NRXN3: variants seen among roughly 807,000 people sequenced by gnomAD.
NRXN3 encodes the protein neurexin III.
Under a neutral mutation model 137.6 loss-of-function variants are expected in NRXN3, and 32 were observed. That is an observed-to-expected ratio of 0.23 (90% CI 0.18 to 0.31). NRXN3 has a LOEUF of 0.31. NRXN3 is among the 10% of genes least tolerant of loss of function. NRXN3 has a pLI of 1.00. For synonymous variants in NRXN3, 798 were observed against 784.5 expected, an observed-to-expected ratio of 1.02 and a Z score of -0.29; for missense variants, 1,574 against 2,062.5, an observed-to-expected ratio of 0.76 and a Z score of 4.59.
chr14:79,330,105 C>T (rs2153315389), intron 15 of NRXN3, among the ~76,000 whole-genome samples: 1 of 152,170 alleles, frequency 6.6e-6, no homozygotes, highest in Middle Eastern at 3.4e-3. Context: ...GCTGGGATTA[C>T]AGGTGTGAGC....
chr14:79,549,708 C>A (rs2097355247), intron 16 of NRXN3, among the ~76,000 whole-genome samples: 1 of 152,062 alleles, frequency 6.6e-6, no homozygotes, highest in South Asian at 2.1e-4. Context: ...GTCCCCGGGG[C>A]CAGCATTTAC....
intron 9 of NRXN3, among the ~76,000 whole-genome samples, chr14:78,805,369 AC>A (rs1245420267): frequency 6.6e-6 from 1 of 151,938 alleles, no homozygotes; most frequent in Non-Finnish European, 1.5e-5. Flanking sequence ...CCCGCCATCA[AC>A]CATGGTAAAT....
intron 10 of NRXN3, among the ~76,000 whole-genome samples, chr14:78,946,365 T>A (rs988620392): frequency 3.3e-5 from 5 of 152,184 alleles, no homozygotes; most frequent in Non-Finnish European, 5.9e-5. Flanking sequence ...AGTTGATGAC[T>A]TCCAGATGGC....
intron 17 of NRXN3, among the ~76,000 whole-genome samples, chr14:79,681,066 A>C (rs10146886): frequency 0.11 from 17,228 of 152,160 alleles, 2,324 homozygotes; most frequent in African/African-American, 0.32. Flanking sequence ...CCTCTCAGGA[A>C]CTGCATTATT....
At chr14:78,251,919 G>A (rs2068691678) in intron 2 of NRXN3, among the ~76,000 whole-genome samples, 1 of 152,154 alleles carries the variant, frequency 6.6e-6, no homozygotes, top group African/African-American at 2.4e-5. Flanking sequence ...GTATCAGGCT[G>A]TGGCTGGCAG....
chr14:79,150,984 T>G (rs10220598), intron 15 of NRXN3, among the ~76,000 whole-genome samples: 152,094 of 152,096 alleles, frequency 1, 76,046 homozygotes, highest in Non-Finnish European at 1. Flanking sequence ...TCGAGGGTCT[T>G]CTTGTCTCCA....
chr14:78,251,035 A>G (rs1244078769), intron 2 of NRXN3, among the ~76,000 whole-genome samples: 1 of 152,190 alleles, frequency 6.6e-6, no homozygotes, highest in East Asian at 1.9e-4. Flanking sequence ...CCCAGCCTCA[A>G]AACTCTGGTT....
At chr14:79,796,502 T>C (rs560227624) in intron 19 of NRXN3, among the ~76,000 whole-genome samples, 2 of 152,038 alleles carry the variant, frequency 1.3e-5, no homozygotes, top group African/African-American at 2.4e-5. Context: ...TTTGAGCAAA[T>C]AGAAGAAAAA....
chr14:78,815,479 C>CCTT (rs758009787), intron 10 of NRXN3, among the ~76,000 whole-genome samples: 3 of 84,456 alleles, frequency 3.6e-5, no homozygotes, highest in East Asian at 9.1e-4. Context: ...TTGTTTCTTT[C>CCTT]TTTTTTTTTT....
At chr14:78,503,759 G>C (rs2095925683) in intron 4 of NRXN3, among the ~76,000 whole-genome samples, 1 of 152,058 alleles carries the variant, frequency 6.6e-6, no homozygotes, top group Admixed American at 6.6e-5. Context: ...AACAAAAGGA[G>C]GAACATCATA....
At chr14:79,363,589 C>G (rs1327586012) in intron 15 of NRXN3, among the ~76,000 whole-genome samples, 1 of 133,552 alleles carries the variant, frequency 7.5e-6, no homozygotes. Flanking sequence ...GTTGCTCCTT[C>G]TACTTTCTTA....
chr14:79,406,386 C>T (rs2095313093), intron 15 of NRXN3, among the ~76,000 whole-genome samples: 1 of 152,052 alleles, frequency 6.6e-6, no homozygotes, highest in South Asian at 2.1e-4. Context: ...CTCACTCCAA[C>T]TTCTGCCTCC....
intron 19 of NRXN3, among the ~76,000 whole-genome samples, chr14:79,740,653 T>A (rs1603458460): frequency 7.0e-6 from 1 of 142,430 alleles, no homozygotes; most frequent in South Asian, 2.3e-4. Context: ...CTGATTTCTA[T>A]CCTCTGCTAA....
intron 15 of NRXN3, among the ~76,000 whole-genome samples, chr14:79,458,950 A>G (rs1051375486): frequency 6.6e-6 from 1 of 152,138 alleles, no homozygotes; most frequent in African/African-American, 2.4e-5. Flanking sequence ...GCATTGTGAA[A>G]GGATTGGGTT....
At chr14:78,191,659 T>G (rs1193476023) in intron 1 of NRXN3, among the ~76,000 whole-genome samples, 15 of 152,248 alleles carry the variant, frequency 9.9e-5, no homozygotes, top group Middle Eastern at 3.4e-3. Context: ...CTTCCAGACA[T>G]GTCTAGGGCT....
At chr14:79,027,518 A>G (rs912971744) in intron 15 of NRXN3, among the ~76,000 whole-genome samples, 9 of 152,174 alleles carry the variant, frequency 5.9e-5, no homozygotes, top group African/African-American at 2.2e-4. Context: ...ATGCCAGTGC[A>G]GGTTAATACA....
chr14:79,378,623 C>T (rs1366026959), intron 15 of NRXN3, among the ~76,000 whole-genome samples: 1 of 152,180 alleles, frequency 6.6e-6, no homozygotes, highest in Non-Finnish European at 1.5e-5. Flanking sequence ...GTTTACGTGT[C>T]AGTTTCCCCT....
intron 4 of NRXN3, among the ~76,000 whole-genome samples, chr14:78,381,724 C>G (rs2153631474): frequency 6.6e-6 from 1 of 152,192 alleles, no homozygotes; most frequent in East Asian, 1.9e-4. Flanking sequence ...CATGGTACAT[C>G]TATACTTTGG....
intron 4 of NRXN3, among the ~76,000 whole-genome samples, chr14:78,482,005 C>A (rs1165461031): frequency 6.6e-6 from 1 of 152,160 alleles, no homozygotes; most frequent in Admixed American, 6.6e-5. Flanking sequence ...TTCCTTATAT[C>A]AAGGAGTCAA....
Sources: gnomAD v4.1 joint callset for allele counts (sites outside exome capture counted in the v4.1 genomes callset) on GRCh38, gnomAD v4.1.1 for gene constraint, MANE v1.5 for transcripts, NCBI Gene and HGNC (gene_info 2026-07-23, HGNC 2026-07-21) for gene names.